The following TCF7L2 variants were observed in gnomAD, a reference collection of about 807,000 sequenced individuals.
TCF7L2 encodes transcription factor 7-like 2.
In TCF7L2, 23 loss-of-function variants were observed where a neutral mutation model predicts 77.9. The observed-to-expected ratio is 0.30, with a 90% CI of 0.21 to 0.42. The LOEUF (loss-of-function observed/expected upper bound fraction) is 0.42, where lower values mean the gene tolerates loss of function less well. Among genes scored for constraint, TCF7L2 ranks in the 10% least tolerant of loss-of-function variants. The probability of loss-of-function intolerance (pLI) is 1.00; values close to 1 mark genes in which losing one functional copy is unlikely to be tolerated. For synonymous variants in TCF7L2, 413 were observed against 340.2 expected (o/e 1.21, Z -2.36); for missense variants, 654 against 793.1 (o/e 0.82, Z 2.11).
At chr10:113,024,657 T>C (rs940001207) in intron 4 of TCF7L2, among the ~76,000 whole-genome samples, 1 of 150,312 alleles carries the variant, frequency 6.7e-6, no homozygotes, top group Non-Finnish European at 1.5e-5. Flanking sequence ...TTCACGCTTG[T>C]TCCCCAGGCT....
rs186870369 is a variant in TCF7L2 at position 112,986,723 on chromosome 10, G to T, written c.450+22099G>T. On this transcript the variant is annotated intron_variant, in intron 4 of 13. Coordinates refer to ENST00000627217, the MANE Select transcript of TCF7L2 (RefSeq NM_001146274.2). Reference sequence around the variant, plus strand: ...TTTCTGTGTACCTCCCTTTCTTGCAGCCTCCACACCTCCCTGGGAAGATTT... The same window carrying T: ...TTTCTGTGTACCTCCCTTTCTTGCATCCTCCACACCTCCCTGGGAAGATTT... Among the ~76,000 whole-genome samples the T allele has an allele frequency of 1.9e-3, 294 of 152,218 alleles. 1 individual carries two copies. The highest frequency in any genetic ancestry group is 6.6e-3 in the African/African-American group (275 of 41,530).
chr10:113,092,933 G>C (rs1001414603), intron 5 of TCF7L2, among the ~76,000 whole-genome samples: 3 of 152,170 alleles, frequency 2.0e-5, no homozygotes, highest in African/African-American at 7.2e-5. Context: ...CACAGCATGG[G>C]TGTGATAGAA....
intron 5 of TCF7L2, among the ~76,000 whole-genome samples, chr10:113,052,109 A>T (rs1366244399): frequency 3.3e-5 from 5 of 152,154 alleles, no homozygotes; most frequent in African/African-American, 1.2e-4. Context: ...TTATTTGATG[A>T]AGGTTCTGTA....
chr10:112,972,837 A>T (rs1192809567), intron 4 of TCF7L2, among the ~76,000 whole-genome samples: 4 of 152,236 alleles, frequency 2.6e-5, no homozygotes, highest in Non-Finnish European at 5.9e-5. Context: ...AGTTACTGGT[A>T]TTATCACCAT....
intron 6 of TCF7L2, 149 bp from the exon 7 acceptor site, chr10:113,143,774 A>G: frequency 1.7e-6 from 1 of 603,544 alleles, no homozygotes; most frequent in South Asian, 2.5e-5. Flanking sequence ...AAACCTACCA[A>G]CAACTCAGGA....
At chr10:112,976,869 A>G (rs1413473616) in intron 4 of TCF7L2, among the ~76,000 whole-genome samples, 1 of 152,166 alleles carries the variant, frequency 6.6e-6, no homozygotes, top group East Asian at 1.9e-4. Flanking sequence ...AGACTATGGC[A>G]TCATCCAAAC....
chr10:113,022,528 T>C (rs11196192), intron 4 of TCF7L2, among the ~76,000 whole-genome samples: 2 of 152,124 alleles, frequency 1.3e-5, no homozygotes, highest in African/African-American at 4.8e-5. Flanking sequence ...AGGAAGACTT[T>C]TGGTCACTCT....
chr10:113,043,152 G>A (rs2052754403), intron 5 of TCF7L2, among the ~76,000 whole-genome samples: 1 of 152,258 alleles, frequency 6.6e-6, no homozygotes. Flanking sequence ...GAATAGGGAT[G>A]TATTCAGTGT....
chr10:113,129,821 A>G, intron 5 of TCF7L2: 1 of 1,289,390 alleles, frequency 7.8e-7, no homozygotes, highest in Non-Finnish European at 1.0e-6. Context: ...GAAGGTACAG[A>G]GAAAGTTTTT....
At chr10:112,965,007 T>C (rs2036409070) in intron 4 of TCF7L2, among the ~76,000 whole-genome samples, 1 of 151,904 alleles carries the variant, frequency 6.6e-6, no homozygotes, top group Non-Finnish European at 1.5e-5. Context: ...GGATCTTGAA[T>C]TGGGAGTAAA....
At chr10:113,042,941 A>G (rs1191858719) in intron 5 of TCF7L2, among the ~76,000 whole-genome samples, 1 of 152,146 alleles carries the variant, frequency 6.6e-6, no homozygotes. Context: ...ATGAAGGGCT[A>G]ACTTTTCTCC....
Position 113,166,072 on chromosome 10 carries a change from T to C in TCF7L2, c.*100T>C. 8.5e-7 allele frequency: 1 copy of C among 1,180,316 alleles called. No homozygotes were observed. The highest frequency in any genetic ancestry group is 1.1e-6 in the Non-Finnish European group (1 of 893,144). The allele number at this position is 1,180,316 out of a possible 1,614,324, so 73.1% of individuals were successfully genotyped here. A position where few individuals can be genotyped will look rare whatever the true frequency, so the allele number is the denominator to read the frequency against. ...TTGAAAGGTTTTGTTTTGTACTCTC[T>C]TAATTTTGTGCCATGTGGCTACATT... On this transcript the variant is annotated 3_prime_UTR_variant, in exon 14 of 14. Coordinates refer to ENST00000627217, the MANE Select transcript of TCF7L2 (RefSeq NM_001146274.2).
At chr10:113,126,966 A>G in intron 5 of TCF7L2, 1 of 975,718 alleles carries the variant, frequency 1.0e-6, no homozygotes. Flanking sequence ...TGCTGCGTCC[A>G]CGGCTGTCCA....
intron 4 of TCF7L2, among the ~76,000 whole-genome samples, chr10:113,032,710 G>A (rs1025335423): frequency 2.0e-5 from 3 of 152,162 alleles, no homozygotes; most frequent in Non-Finnish European, 2.9e-5. Context: ...ACTGCCACTC[G>A]CTCCTGTCAC....
intron 5 of TCF7L2, among the ~76,000 whole-genome samples, chr10:113,084,634 G>T (rs1417090205): frequency 1.3e-5 from 2 of 152,212 alleles, no homozygotes; most frequent in East Asian, 3.9e-4. Context: ...GCTCACACCT[G>T]TAGTAATCCC....
chr10:113,021,200 G>A (rs2048219693), intron 4 of TCF7L2, among the ~76,000 whole-genome samples: 1 of 152,208 alleles, frequency 6.6e-6, no homozygotes, highest in Non-Finnish European at 1.5e-5. Context: ...TGGGCGGGTT[G>A]CCTGAGCTCT....
intron 4 of TCF7L2, among the ~76,000 whole-genome samples, chr10:112,994,380 T>C (rs1323251577): frequency 2.0e-5 from 3 of 152,264 alleles, no homozygotes; most frequent in African/African-American, 7.2e-5. Flanking sequence ...TCAAGGTTCA[T>C]CCAGTATTGT....
At chr10:112,953,602 G>A (rs1053272809) in intron 3 of TCF7L2, among the ~76,000 whole-genome samples, 1 of 152,130 alleles carries the variant, frequency 6.6e-6, no homozygotes. Flanking sequence ...TTGATGGCGG[G>A]CTTGCTAGCT....
intron 5 of TCF7L2, among the ~76,000 whole-genome samples, chr10:113,051,944 TAAG>T (rs1036594248): frequency 5.3e-5 from 8 of 152,170 alleles, no homozygotes; most frequent in African/African-American, 1.9e-4. Flanking sequence ...ATAAGATAAA[TAAG>T]GAGGTGTCGC....
Sources: gnomAD v4.1 joint callset for allele counts (sites outside exome capture counted in the v4.1 genomes callset) on GRCh38, gnomAD v4.1.1 for gene constraint, MANE v1.5 for transcripts, NCBI Gene and HGNC (gene_info 2026-07-23, HGNC 2026-07-21) for gene names.